LZTFL1: variants seen among roughly 807,000 people sequenced by gnomAD.
LZTFL1 encodes the protein leucine zipper transcription factor like 1, also known as leucine zipper transcription factor-like protein 1.
LZTFL1 carries 25 observed loss-of-function variants against 45.9 expected under a neutral mutation model. That is an observed-to-expected ratio of 0.54 (90% CI 0.40 to 0.76). The LOEUF is 0.76. Ranked by LOEUF, LZTFL1 falls within the 30% of genes least tolerant of loss-of-function variation. The pLI, the probability that LZTFL1 is intolerant of heterozygous loss-of-function variation, is 0.00. For synonymous variants in LZTFL1, 93 were observed against 117.4 expected (o/e 0.79, Z 1.35); for missense variants, 277 against 331.1 (o/e 0.84, Z 1.27).
intron 2 of LZTFL1, among the ~76,000 whole-genome samples, chr3:45,892,190 C>T (rs1575295980): frequency 6.6e-6 from 1 of 152,176 alleles, no homozygotes; most frequent in African/African-American, 2.4e-5. Context: ...CATACATATA[C>T]ATATACAAAT....
intron 4 of LZTFL1, among the ~76,000 whole-genome samples, chr3:45,851,315 C>T (rs2125701984): frequency 6.6e-6 from 1 of 151,650 alleles, no homozygotes; most frequent in Non-Finnish European, 1.5e-5. Flanking sequence ...CAACCTCCGC[C>T]TCCTGGGTTC....
chr3:45,854,676 T>C (rs890178205), intron 4 of LZTFL1: 1 of 199,246 alleles, frequency 5.0e-6, no homozygotes, highest in Non-Finnish European at 1.0e-5. Flanking sequence ...AAAAACTATT[T>C]ACATTCAACA....
chr3:45,890,306 T>TATATATAAATATATATATAAC (rs1702122345), intron 2 of LZTFL1, among the ~76,000 whole-genome samples: 3 of 15,468 alleles, frequency 1.9e-4, no homozygotes, highest in African/African-American at 5.6e-4. Flanking sequence ...ATATATAACA[T>TATATATAAATATATATATAAC]ATATATATAT....
chr3:45,855,411 C>G (rs562836886), intron 3 of LZTFL1, among the ~76,000 whole-genome samples: 15 of 152,172 alleles, frequency 9.9e-5, no homozygotes, highest in African/African-American at 3.4e-4. Flanking sequence ...TGGAATGTAC[C>G]TCAAAATAAT....
exon 1 of LZTFL1, chr3:45,915,488 G>A (rs774171999): frequency 2.0e-5 from 9 of 456,198 alleles, no homozygotes; most frequent in African/African-American, 6.0e-5. Flanking sequence ...AGTCAGAGTC[G>A]GCCTTGGGAG....
At chr3:45,913,361 C>A (rs1313417831) in intron 1 of LZTFL1, among the ~76,000 whole-genome samples, 2 of 151,922 alleles carry the variant, frequency 1.3e-5, no homozygotes, top group Non-Finnish European at 2.9e-5. Flanking sequence ...AGCCTATAGC[C>A]CCTTTCTCAG....
chr3:45,876,063 G>A (rs1003717376), intron 2 of LZTFL1, among the ~76,000 whole-genome samples: 21 of 152,108 alleles, frequency 1.4e-4, no homozygotes, highest in East Asian at 3.8e-4. Context: ...AACTTATTAC[G>A]GGATTTGAAT....
At chr3:45,915,600 G>T (rs1328190283) in exon 1 of LZTFL1, 2 of 441,290 alleles carry the variant, frequency 4.5e-6, no homozygotes, top group East Asian at 1.4e-4. Flanking sequence ...ACTTCCTTTT[G>T]GTAAGGACAC....
chr3:45,909,458 T>C (rs1702748104), intron 2 of LZTFL1, among the ~76,000 whole-genome samples: 1 of 152,208 alleles, frequency 6.6e-6, no homozygotes. Flanking sequence ...CCTTTCCTCT[T>C]CTTTGTTTCA....
rs1700656538 is a variant in LZTFL1 at position 45,826,138 on chromosome 3, T to C, written c.*176A>G. 1 of 613,514 alleles carries C rather than the reference T, an allele frequency of 1.6e-6. No homozygotes were observed. The highest frequency in any genetic ancestry group is 1.9e-5 in the African/African-American group (1 of 53,708). The allele number at this position is 613,514 out of a possible 1,614,324, so 38.0% of individuals were successfully genotyped here. On this transcript the variant is annotated 3_prime_UTR_variant, in exon 10 of 10. Coordinates refer to ENST00000296135, the MANE Select transcript of LZTFL1 (RefSeq NM_020347.4). ...GTGTGGGATGACCAGACAGAATCAC[T>C]AGGTTTTCTCTGTTTTCAACTAGCT... is the stretch of plus-strand genomic sequence containing the variant.
rs772044000 is a variant in LZTFL1 at position 45,835,670 on chromosome 3, C to A, written c.243G>T (p.Val81=). Residue 81 remains valine, a synonymous_variant, in exon 3 of 10, where the codon GTG becomes GTT. Coordinates refer to ENST00000296135, the MANE Select transcript of LZTFL1 (RefSeq NM_020347.4). ...GTGCAAACAGCTGTCGCAGAAGTAA[C>A]ACATTGGTATAGGCAGTGTTGATGA... ...SELINTAYTN[V]LLLRQLFAQA... The A allele has an allele frequency of 6.2e-7, 1 of 1,614,164 alleles. No individual in the cohort carries two copies. Among genetic ancestry groups the A allele is most frequent in the South Asian group, 1.1e-5 (1 of 91,088 alleles).
chr3:45,842,661 T>A (rs1056365958), upstream of LZTFL1, among the ~76,000 whole-genome samples: 1 of 152,182 alleles, frequency 6.6e-6, no homozygotes, highest in Non-Finnish European at 1.5e-5. Flanking sequence ...TAGCAACATT[T>A]TTCCATTTAA....
intron 2 of LZTFL1, among the ~76,000 whole-genome samples, chr3:45,870,669 T>C (rs545663013): frequency 1.3e-5 from 2 of 152,366 alleles, no homozygotes; most frequent in Non-Finnish European, 2.9e-5. Context: ...ATTCAACAGA[T>C]AGAAATACTT....
chr3:45,835,944 AT>A (rs1700956113), intron 2 of LZTFL1, among the ~76,000 whole-genome samples, 160 bp from the exon 3 acceptor site: 1 of 152,240 alleles, frequency 6.6e-6, no homozygotes, highest in South Asian at 2.1e-4. Flanking sequence ...AACATTGAAA[AT>A]AATTTAAACT....
Position 45,901,934 on chromosome 3 carries a change from A to C in LZTFL1, c.-215+11186T>G. 6.6e-7 allele frequency: 1 copy of C among 1,512,904 alleles called. No homozygotes were observed. The highest frequency in any genetic ancestry group is 1.4e-5 in the African/African-American group (1 of 71,740). The allele number at this position is 1,512,904 out of a possible 1,614,324, so 93.7% of individuals were successfully genotyped here. On this transcript the variant is annotated intron_variant, in intron 2 of 4. Transcript: ENST00000472635. This position sits in a 1 kb window ranked among gnomAD's most constrained non-coding sequence, Gnocchi z 4.3. ...CTGAGGTGCATGGTTCTTTTGGAAG[A>C]AATGAGAAATACAGAAACAGTTTCC...
upstream of LZTFL1, among the ~76,000 whole-genome samples, chr3:45,845,496 A>G (rs1470062865): frequency 6.6e-6 from 1 of 152,182 alleles, no homozygotes; most frequent in East Asian, 1.9e-4. Flanking sequence ...TGTGAAATTG[A>G]GAGTTGTCTT....
intron 5 of LZTFL1, chr3:45,832,775 G>A (rs373077037): frequency 3.3e-4 from 84 of 253,778 alleles, no homozygotes; most frequent in Admixed American, 1.1e-4. Context: ...CCTTGTTACC[G>A]CAGATCACAA....
chr3:45,886,589 C>T (rs995190509), intron 2 of LZTFL1: 1 of 152,246 alleles, frequency 6.6e-6, no homozygotes, highest in African/African-American at 2.4e-5. Flanking sequence ...AGCAACCCAG[C>T]TCTTTCCCCA....
At chr3:45,858,462 C>T (rs1326463080) in intron 3 of LZTFL1, among the ~76,000 whole-genome samples, 2 of 152,138 alleles carry the variant, frequency 1.3e-5, no homozygotes, top group South Asian at 2.1e-4. Flanking sequence ...CTGAATAATA[C>T]ATATTTACGT....
Sources: allele counts gnomAD v4.1 joint callset (sites outside exome capture counted in the v4.1 genomes callset), GRCh38; gene constraint gnomAD v4.1.1; non-coding constraint Gnocchi (gnomAD v3.1); transcripts MANE v1.5; gene names NCBI Gene and HGNC (gene_info 2026-07-23, HGNC 2026-07-21).